Variants in NAV2 observed in about 807,000 individuals in gnomAD.
NAV2 encodes neuron navigator 2, also known as helicase, APC down-regulated 1.
NAV2 carries 54 observed loss-of-function variants against 223.2 expected under a neutral mutation model. That is an observed-to-expected ratio of 0.24 (90% CI 0.19 to 0.30). The LOEUF (loss-of-function observed/expected upper bound fraction) is 0.30, where lower values mean the gene tolerates loss of function less well. Ranked by LOEUF, NAV2 falls within the 10% of genes least tolerant of loss-of-function variation. The probability of loss-of-function intolerance (pLI) is 1.00; values close to 1 mark genes in which losing one functional copy is unlikely to be tolerated. For synonymous variants in NAV2, 1,279 were observed against 1,239.3 expected (o/e 1.03, Z -0.67); for missense variants, 2,806 against 3,147.5 (o/e 0.89, Z 2.60).
intron 11 of NAV2, 38 bp downstream of exon 11, chr11:19,984,285 G>C: frequency 6.2e-7 from 1 of 1,608,532 alleles, no homozygotes; most frequent in Non-Finnish European, 8.5e-7. Flanking sequence ...AGATGCAGAG[G>C]TGATCCCAGG....
At chr11:19,356,797 T>C (rs2654010) in intron 1 of NAV2, among the ~76,000 whole-genome samples, 35,537 of 152,152 alleles carry the variant, frequency 0.23, 4,726 homozygotes, top group East Asian at 0.45. Flanking sequence ...ACGGCCTTCT[T>C]CAATCAGCAG....
chr11:19,720,355 G>A (rs1178288980), intron 1 of NAV2, among the ~76,000 whole-genome samples: 4 of 152,132 alleles, frequency 2.6e-5, no homozygotes, highest in Non-Finnish European at 5.9e-5. Flanking sequence ...ACCCCCATTC[G>A]CCCACACAGA....
chr11:19,549,338 C>T (rs939014023), intron 1 of NAV2, among the ~76,000 whole-genome samples: 5 of 152,178 alleles, frequency 3.3e-5, no homozygotes, highest in South Asian at 4.1e-4. Flanking sequence ...GCTGCCTTCA[C>T]GAAGAGAGGT....
intron 1 of NAV2, among the ~76,000 whole-genome samples, chr11:19,557,512 A>G (rs1330721170): frequency 6.6e-6 from 1 of 152,192 alleles, no homozygotes; most frequent in East Asian, 1.9e-4. Flanking sequence ...TGGACAATCG[A>G]TGGTACTCTA....
At chr11:19,747,293 T>C (rs1280407972) in intron 1 of NAV2, among the ~76,000 whole-genome samples, 1 of 152,064 alleles carries the variant, frequency 6.6e-6, no homozygotes, top group East Asian at 1.9e-4. Flanking sequence ...CAGTCTATCA[T>C]TGTTGGACAT....
chr11:19,889,907 T>A (rs1360755106), intron 5 of NAV2, among the ~76,000 whole-genome samples: 1 of 152,210 alleles, frequency 6.6e-6, no homozygotes, highest in African/African-American at 2.4e-5. Flanking sequence ...CATCTCAGAC[T>A]TTTGTGTATT....
chr11:19,428,841 C>A (rs1850935475), intron 1 of NAV2, among the ~76,000 whole-genome samples: 1 of 152,190 alleles, frequency 6.6e-6, no homozygotes, highest in Admixed American at 6.5e-5. Flanking sequence ...AAACTTCTTT[C>A]CCATGTGATT....
At chr11:20,050,852 G>A (rs925256844) in intron 16 of NAV2, among the ~76,000 whole-genome samples, 13 of 152,226 alleles carry the variant, frequency 8.5e-5, no homozygotes, top group African/African-American at 3.1e-4. Context: ...CCCATTTGAA[G>A]TCATTGCCAG....
intron 1 of NAV2, among the ~76,000 whole-genome samples, chr11:19,719,654 C>A (rs538664519): frequency 6.6e-6 from 1 of 152,158 alleles, no homozygotes; most frequent in African/African-American, 2.4e-5. Flanking sequence ...ACGTTCTTTC[C>A]ACCCTACCTC....
Position 20,026,578 on chromosome 11 carries a change from G to A in NAV2, c.2769-9381G>A, listed in dbSNP as rs1212226662. Among the ~76,000 whole-genome samples, 4 of 152,300 alleles carry A rather than the reference G, an allele frequency of 2.6e-5. No individual in the cohort carries two copies. In the East Asian group the frequency reaches 7.7e-4, roughly 29 times the overall value. On this transcript the variant is annotated intron_variant, in intron 11 of 37. Transcript: ENST00000349880. ...ACCCGCCTCGGCCTCCCAAAGTGCC[G>A]GGATTACAGGCGTGAGCCATCGTGC...
chr11:19,796,357 C>G (rs2057895456), intron 1 of NAV2, among the ~76,000 whole-genome samples: 1 of 152,138 alleles, frequency 6.6e-6, no homozygotes, highest in Admixed American at 6.5e-5. Context: ...TGCAGGTGCA[C>G]CTTATTGACA....
At position 19,654,075 on chromosome 11, in the gene NAV2, C is replaced by T. The variant is rs1425807225; in HGVS notation, c.76-178409C>T. On this transcript the variant is annotated intron_variant, in intron 1 of 37. Transcript: ENST00000360655. ...ATACAAAATCAATGTGCAAAAACCA[C>T]AAGCATTCTTATACACAAATAACAG... Among the ~76,000 whole-genome samples, 3 of 152,188 alleles carry T rather than the reference C, an allele frequency of 2.0e-5. No individual in the cohort carries two copies. In the East Asian group the frequency reaches 5.8e-4, roughly 29 times the overall value.
At chr11:19,768,807 C>G (rs1043926766) in intron 1 of NAV2, among the ~76,000 whole-genome samples, 1 of 152,176 alleles carries the variant, frequency 6.6e-6, no homozygotes, top group Non-Finnish European at 1.5e-5. Context: ...TGTAAAATGC[C>G]AGTGGTACCA....
At chr11:19,558,232 C>T (rs895110935) in intron 1 of NAV2, among the ~76,000 whole-genome samples, 3 of 152,166 alleles carry the variant, frequency 2.0e-5, no homozygotes, top group Non-Finnish European at 4.4e-5. Flanking sequence ...GAAACAACTA[C>T]GTATTTGCTC....
At position 19,682,482 on chromosome 11, in the gene NAV2, C is replaced by T. The variant is rs532023725; in HGVS notation, c.76-150002C>T. Among the ~76,000 whole-genome samples, 9 of 152,306 alleles carry T rather than the reference C, an allele frequency of 5.9e-5. No individual in the cohort carries two copies. The East Asian group carries it at 1.2e-3, about 20-fold the overall frequency. On this transcript the variant is annotated intron_variant, in intron 1 of 37. Coordinates refer to the NAV2 transcript ENST00000360655. ...ATATACATAGCCCCATTAACCTCTGCGAGGACCTGGGAGGCTGGTATTGTG... is the reference window on the plus strand; with the variant it reads ...ATATACATAGCCCCATTAACCTCTGTGAGGACCTGGGAGGCTGGTATTGTG...
At chr11:19,866,464 G>C (rs1042653060) in intron 3 of NAV2, among the ~76,000 whole-genome samples, 1 of 152,166 alleles carries the variant, frequency 6.6e-6, no homozygotes, top group African/African-American at 2.4e-5. Context: ...GAAGTATTCG[G>C]GTAACTTATT....
chr11:19,553,198 A>G (rs2044745135), intron 1 of NAV2, among the ~76,000 whole-genome samples: 1 of 152,212 alleles, frequency 6.6e-6, no homozygotes, highest in Admixed American at 6.5e-5. Flanking sequence ...TCCAGCCCAG[A>G]TGGACCTTCA....
rs370470594 is a variant in NAV2, at chr11:19,969,239, G to A, written c.2646-14886G>A. Among the ~76,000 whole-genome samples the A allele has an allele frequency of 3.3e-5, 5 of 152,254 alleles. No individual in the cohort carries two copies. The East Asian group carries it at 9.6e-4, about 29-fold the overall frequency. ...ATTTGGCCATGGAGAAATGAAACTC[G>A]CTTCAGCTCAAGTTCAGGATGCCTT... is the stretch of plus-strand genomic sequence containing the variant. On this transcript the variant is annotated intron_variant, in intron 10 of 37. Coordinates refer to ENST00000349880, the MANE Select transcript of NAV2 (RefSeq NM_145117.5).
chr11:19,733,535 G>C (rs965851971), intron 1 of NAV2, among the ~76,000 whole-genome samples: 1 of 152,206 alleles, frequency 6.6e-6, no homozygotes, highest in Non-Finnish European at 1.5e-5. Context: ...ACCGCACAAC[G>C]GGTTTTAAGG....
Sources: gnomAD v4.1 joint callset for allele counts (sites outside exome capture counted in the v4.1 genomes callset) on GRCh38, gnomAD v4.1.1 for gene constraint, MANE v1.5 for transcripts, NCBI Gene and HGNC (gene_info 2026-07-23, HGNC 2026-07-21) for gene names.